Variants in NAV3 observed in about 807,000 individuals in gnomAD.
NAV3 encodes pore membrane and/or filament interacting like protein 1.
In NAV3, 87 loss-of-function variants were observed where a neutral mutation model predicts 244.7. The observed-to-expected ratio is 0.36, with a 90% confidence interval of 0.30 to 0.42. NAV3 has a LOEUF of 0.42. Ranked by LOEUF, NAV3 falls within the 20% of genes least tolerant of loss-of-function variation. NAV3 has a pLI of 1.00. For synonymous variants in NAV3, 1,126 were observed against 1,042.2 expected (o/e 1.08, Z -1.55); for missense variants, 2,663 against 2,893.3 (o/e 0.92, Z 1.83).
intron 1 of NAV3, among the ~76,000 whole-genome samples, chr12:77,834,232 C>T (rs1042558438): frequency 6.6e-6 from 1 of 152,180 alleles, no homozygotes; most frequent in Non-Finnish European, 1.5e-5. Context: ...TTTCTCTACA[C>T]AGCACTTCCC....
chr12:77,962,460 A>C (rs1345524473), intron 3 of NAV3, among the ~76,000 whole-genome samples: 1 of 152,128 alleles, frequency 6.6e-6, no homozygotes, highest in Non-Finnish European at 1.5e-5. Flanking sequence ...TTGTGATTAA[A>C]GCCCAAAACC....
chr12:78,039,854 G>C (rs1880554860), intron 9 of NAV3, among the ~76,000 whole-genome samples: 1 of 151,894 alleles, frequency 6.6e-6, no homozygotes, highest in African/African-American at 2.4e-5. Context: ...GTAGATTTCA[G>C]AATATACCAT....
In NAV3 at chr12:77,715,648, T is replaced by A. The variant is rs554614127; in HGVS notation, c.72+143382T>A. ...TAGATATATTAAACTAAACCATTTATAATTTTTGAAGCAGAGTTCTTTTTT... is the reference window on the plus strand; with the variant it reads ...TAGATATATTAAACTAAACCATTTAAAATTTTTGAAGCAGAGTTCTTTTTT... On this transcript the variant is annotated intron_variant, in intron 2 of 8. Coordinates refer to the NAV3 transcript ENST00000550042. Among the ~76,000 whole-genome samples the A allele has an allele frequency of 2.0e-5, 3 of 152,172 alleles. No homozygotes were observed. In the South Asian group the frequency reaches 6.2e-4, roughly 32 times the overall value.
intron 6 of NAV3, among the ~76,000 whole-genome samples, chr12:77,996,661 A>G (rs1005692629): frequency 6.6e-6 from 1 of 152,140 alleles, no homozygotes; most frequent in African/African-American, 2.4e-5. Flanking sequence ...TTCTGTGAAA[A>G]TGATATAGTC....
At chr12:78,158,312 T>G (rs1446137640) in intron 22 of NAV3, among the ~76,000 whole-genome samples, 1 of 152,174 alleles carries the variant, frequency 6.6e-6, no homozygotes, top group Non-Finnish European at 1.5e-5. Flanking sequence ...TTTGAGATAA[T>G]GTACTTGCAG....
intron 12 of NAV3, among the ~76,000 whole-genome samples, chr12:78,110,756 T>C (rs1955052808): frequency 6.6e-6 from 1 of 152,030 alleles, no homozygotes; most frequent in African/African-American, 2.4e-5. Context: ...GTTTTCTACA[T>C]GTTCTAATAT....
chr12:77,869,643 T>C (rs1880637760), intron 1 of NAV3, among the ~76,000 whole-genome samples: 1 of 152,166 alleles, frequency 6.6e-6, no homozygotes, highest in Admixed American at 6.6e-5. Context: ...AGGGCCAGCT[T>C]CCATGACTCC....
intron 2 of NAV3, among the ~76,000 whole-genome samples, chr12:77,589,889 G>T (rs1869826718): frequency 6.6e-6 from 1 of 152,226 alleles, no homozygotes; most frequent in Admixed American, 6.5e-5. Context: ...CTCTTCCCTA[G>T]CTGTATCAAC....
At chr12:77,744,687 AAGG>A (rs1297291782) in intron 2 of NAV3, among the ~76,000 whole-genome samples, 1 of 151,942 alleles carries the variant, frequency 6.6e-6, no homozygotes, top group Non-Finnish European at 1.5e-5. Context: ...ACCGAATTTT[AAGG>A]AGATTATAGA....
chr12:77,859,918 A>G (rs983295025), intron 1 of NAV3, among the ~76,000 whole-genome samples: 1 of 151,790 alleles, frequency 6.6e-6, no homozygotes, highest in South Asian at 2.1e-4. Context: ...CACCATCACA[A>G]TTTTGATTAT....
intron 19 of NAV3, among the ~76,000 whole-genome samples, chr12:78,139,542 T>C (rs1014756003): frequency 2.6e-5 from 4 of 152,154 alleles, no homozygotes; most frequent in African/African-American, 4.8e-5. Flanking sequence ...TACTACTCCA[T>C]AGTAAAAAGA....
intron 2 of NAV3, among the ~76,000 whole-genome samples, chr12:77,632,856 G>A (rs1871975974): frequency 6.6e-6 from 1 of 152,004 alleles, no homozygotes; most frequent in Non-Finnish European, 1.5e-5. Flanking sequence ...TAGTGGATGT[G>A]GCAAATACAG....
intron 2 of NAV3, among the ~76,000 whole-genome samples, chr12:77,585,032 C>T (rs956235643): frequency 3.9e-5 from 6 of 152,190 alleles, no homozygotes; most frequent in African/African-American, 1.4e-4. Context: ...TGCTACACAT[C>T]CAAGACAAGA....
chr12:77,881,393 T>A (rs1433549050), intron 1 of NAV3, among the ~76,000 whole-genome samples: 1 of 152,122 alleles, frequency 6.6e-6, no homozygotes, highest in Non-Finnish European at 1.5e-5. Flanking sequence ...TATATCAGGA[T>A]CAGATTTGAT....
rs368578269 is a variant in NAV3 at position 77,756,732 on chromosome 12, A to T, written c.73-183587A>T. 3.8e-4 allele frequency among the ~76,000 whole-genome samples: 58 copies of T among 152,352 alleles called. No homozygotes were observed. In the South Asian group the frequency reaches 0.011, roughly 29 times the overall value. ...TGAAAGTAAATAGTTTCTAATAACTAAAGTATGAAATTACTTTGTAATTCT... is the reference window on the plus strand; with the variant it reads ...TGAAAGTAAATAGTTTCTAATAACTTAAGTATGAAATTACTTTGTAATTCT... On this transcript the variant is annotated intron_variant, in intron 2 of 8. Coordinates refer to the NAV3 transcript ENST00000550042.
intron 1 of NAV3, among the ~76,000 whole-genome samples, chr12:77,918,094 A>T (rs1204850325): frequency 6.6e-6 from 1 of 152,098 alleles, no homozygotes; most frequent in Non-Finnish European, 1.5e-5. Flanking sequence ...ACTTGAGTTT[A>T]TACCTAAAGA....
chr12:78,173,406 C>T (rs1214941147), intron 24 of NAV3, among the ~76,000 whole-genome samples: 1 of 151,436 alleles, frequency 6.6e-6, no homozygotes, highest in Non-Finnish European at 1.5e-5. Context: ...AATAAAAATT[C>T]TGAAATACTT....
intron 1 of NAV3, among the ~76,000 whole-genome samples, chr12:77,923,985 T>TA (rs1203012398): frequency 6.6e-6 from 1 of 152,156 alleles, no homozygotes; most frequent in African/African-American, 2.4e-5. Flanking sequence ...TTCCTGTACA[T>TA]AAGGGAGTTG....
chr12:78,005,513 AC>A (rs973004054), intron 7 of NAV3, among the ~76,000 whole-genome samples: 2 of 152,200 alleles, frequency 1.3e-5, no homozygotes, highest in African/African-American at 4.8e-5. Flanking sequence ...GCAATGCAGA[AC>A]CTCAGGGCCC....
Sources: allele counts gnomAD v4.1 joint callset (sites outside exome capture counted in the v4.1 genomes callset), GRCh38; gene constraint gnomAD v4.1.1; transcripts MANE v1.5; gene names NCBI Gene and HGNC (gene_info 2026-07-23, HGNC 2026-07-21).